Variants in SYN3 observed in about 807,000 individuals in gnomAD.
The protein encoded by SYN3 is synapsin-3.
Under a neutral mutation model 65.8 loss-of-function variants are expected in SYN3, and 35 were observed. The observed-to-expected ratio is 0.53, with a 90% CI of 0.41 to 0.70. The LOEUF is 0.70. SYN3 is among the 30% of genes least tolerant of loss of function. SYN3 has a pLI of 0.00. For missense variants in SYN3, 680 were observed against 749.0 expected, an observed-to-expected ratio of 0.91 and a Z score of 1.08; for synonymous variants, 270 against 292.9, an observed-to-expected ratio of 0.92 and a Z score of 0.80.
At chr22:32,852,446 G>A (rs1296169759) in intron 6 of SYN3, among the ~76,000 whole-genome samples, 1 of 152,174 alleles carries the variant, frequency 6.6e-6, no homozygotes, top group African/African-American at 2.4e-5. Context: ...AATCTTTGTA[G>A]GAGGGAAGAG....
intron 1 of SYN3, chr22:33,015,365 G>T: frequency 5.8e-6 from 3 of 518,986 alleles, no homozygotes; most frequent in South Asian, 5.7e-5. Flanking sequence ...TTACTGTACA[G>T]GGCGAATTTG....
chr22:32,537,911 G>A (rs777275992), intron 9 of SYN3, 125 bp downstream of exon 9: 116 of 745,348 alleles, frequency 1.6e-4, no homozygotes, highest in Non-Finnish European at 2.5e-4. Flanking sequence ...CTAAAAAAGT[G>A]CTCTGTGGAT....
chr22:33,029,644 C>T (rs2053715092), intron 1 of SYN3, among the ~76,000 whole-genome samples: 1 of 152,118 alleles, frequency 6.6e-6, no homozygotes, highest in Non-Finnish European at 1.5e-5. Context: ...ACATTGAAGC[C>T]CAAAATGACA....
chr22:32,924,894 C>G (rs1047974840), intron 4 of SYN3, among the ~76,000 whole-genome samples: 4 of 152,114 alleles, frequency 2.6e-5, no homozygotes, highest in African/African-American at 9.7e-5. Flanking sequence ...GAGTTCGATA[C>G]CAGCTTGGGC....
chr22:32,831,622 G>T (rs1184188373), intron 6 of SYN3, among the ~76,000 whole-genome samples: 1 of 152,124 alleles, frequency 6.6e-6, no homozygotes, highest in Non-Finnish European at 1.5e-5. Context: ...TATCTTCTCG[G>T]CATTCTTTAG....
At chr22:32,942,041 G>A (rs1162557940) in intron 3 of SYN3, among the ~76,000 whole-genome samples, 1 of 152,216 alleles carries the variant, frequency 6.6e-6, no homozygotes, top group Non-Finnish European at 1.5e-5. Flanking sequence ...CCGAACAAAA[G>A]GCAGCAGAAA....
intron 6 of SYN3, among the ~76,000 whole-genome samples, chr22:32,770,039 C>T (rs775727135): frequency 6.6e-6 from 1 of 152,232 alleles, no homozygotes; most frequent in Admixed American, 6.5e-5. Context: ...TCTAGCCCCC[C>T]TGACTGTTCA....
At chr22:32,619,527 A>G (rs182939269) in intron 6 of SYN3, among the ~76,000 whole-genome samples, 2 of 152,332 alleles carry the variant, frequency 1.3e-5, no homozygotes, top group Admixed American at 6.5e-5. Context: ...CATTTGAAAT[A>G]CTGTGTTACA....
At chr22:32,641,019 C>T (rs1350243896) in intron 6 of SYN3, among the ~76,000 whole-genome samples, 1 of 152,218 alleles carries the variant, frequency 6.6e-6, no homozygotes, top group East Asian at 1.9e-4. Context: ...CCTGGGCATT[C>T]GCCCAGGTCT....
intron 6 of SYN3, among the ~76,000 whole-genome samples, chr22:32,754,605 A>G (rs2045237993): frequency 6.6e-6 from 1 of 152,188 alleles, no homozygotes. Flanking sequence ...GTTCTGCAGA[A>G]TCTCGCCTTG....
intron 6 of SYN3, among the ~76,000 whole-genome samples, chr22:32,659,535 G>T (rs968538228): frequency 2.0e-5 from 3 of 152,160 alleles, no homozygotes; most frequent in Non-Finnish European, 4.4e-5. Context: ...CCCAGTAACT[G>T]CATTTGGCTC....
intron 6 of SYN3, among the ~76,000 whole-genome samples, chr22:32,697,385 C>T (rs2060750912): frequency 6.6e-6 from 1 of 152,188 alleles, no homozygotes; most frequent in Non-Finnish European, 1.5e-5. Context: ...GCTTCAGTTT[C>T]TTCATTCATA....
Position 32,924,483 on chromosome 22 carries a change from C to T in SYN3, c.461+6907G>A, listed in dbSNP as rs59856303. ...CCCTGGCTACTCAAAATGTGATCTT[C>T]CAACAGCAGCATCAGCAGCATCCAG... On this transcript the variant is annotated intron_variant, in intron 4 of 13. Transcript: ENST00000358763. Among the ~76,000 whole-genome samples the T allele has an allele frequency of 7.8e-3, 1,187 of 152,292 alleles. 21 individuals are homozygous for T. The highest frequency in any genetic ancestry group is 0.028 in the African/African-American group (1,151 of 41,548).
chr22:33,025,962 C>G (rs914517926), intron 1 of SYN3, among the ~76,000 whole-genome samples: 1 of 152,148 alleles, frequency 6.6e-6, no homozygotes, highest in Non-Finnish European at 1.5e-5. Flanking sequence ...TCTACTTGCC[C>G]TCTTGCACCT....
At chr22:32,825,572 C>A (rs2047378604) in intron 6 of SYN3, among the ~76,000 whole-genome samples, 2 of 136,948 alleles carry the variant, frequency 1.5e-5, no homozygotes, top group African/African-American at 2.7e-5. Flanking sequence ...GGCAGAGAAT[C>A]ACTTGAACCC....
At chr22:32,960,656 C>A (rs2051618772) in intron 3 of SYN3, among the ~76,000 whole-genome samples, 1 of 152,226 alleles carries the variant, frequency 6.6e-6, no homozygotes, top group Admixed American at 6.5e-5. Flanking sequence ...CTCTGACCAG[C>A]TTCCCCCATG....
intron 10 of SYN3, 129 bp downstream of exon 10, chr22:32,533,664 A>G: frequency 1.7e-6 from 1 of 590,770 alleles, no homozygotes; most frequent in Non-Finnish European, 3.0e-6. Flanking sequence ...CAACTCACTG[A>G]GGCCTGGGTT....
At chr22:32,573,341 G>A (rs1289323503) in intron 7 of SYN3, among the ~76,000 whole-genome samples, 1 of 152,172 alleles carries the variant, frequency 6.6e-6, no homozygotes, top group Non-Finnish European at 1.5e-5. Context: ...CTTTTCTGGT[G>A]CAATCCTCAG....
chr22:32,573,855 C>T (rs765135132), intron 7 of SYN3, among the ~76,000 whole-genome samples: 2 of 148,278 alleles, frequency 1.3e-5, no homozygotes, highest in African/African-American at 2.5e-5. Context: ...CTGCATCCTC[C>T]GCCTCCCAGG....
Sources: allele counts gnomAD v4.1 joint callset (sites outside exome capture counted in the v4.1 genomes callset), GRCh38; gene constraint gnomAD v4.1.1; transcripts MANE v1.5; gene names NCBI Gene and HGNC (gene_info 2026-07-23, HGNC 2026-07-21).